Variants in CCDC170 observed in about 807,000 individuals in gnomAD.
CCDC170 encodes coiled-coil domain containing 170, also known as coiled-coil domain-containing protein 170.
In CCDC170, 69 loss-of-function variants were observed where a neutral mutation model predicts 72.6. The ratio of observed to expected loss-of-function variants is 0.95; its 90% CI spans 0.78 to 1.16. The LOEUF (loss-of-function observed/expected upper bound fraction) is 1.16, where lower values mean the gene tolerates loss of function less well. Among genes scored for constraint, CCDC170 ranks in the 50% most tolerant of loss-of-function variants. The pLI, the probability that CCDC170 is intolerant of heterozygous loss-of-function variation, is 0.00. For synonymous variants in CCDC170, 300 were observed against 303.9 expected, an observed-to-expected ratio of 0.99 and a Z score of 0.13; for missense variants, 852 against 832.5, an observed-to-expected ratio of 1.02 and a Z score of -0.29.
At position 151,618,030 on chromosome 6, in the gene CCDC170, G is replaced by A. The variant is rs1235803552; in HGVS notation, c.2031G>A (p.Lys677=). Residue 677 remains lysine, a synonymous_variant, in exon 11 of 11, where the codon AAG becomes AAA. Coordinates refer to ENST00000239374, the MANE Select transcript of CCDC170 (RefSeq NM_025059.4). ...CTCTTCCTGATTATGAAATCATCAA[G>A]TGTCTTGAAAGATTGGTCCATTCAC... ...SLALPDYEII[K]CLERLVHSHQ... 1 of 1,614,024 alleles carries A rather than the reference G, an allele frequency of 6.2e-7. No homozygotes were observed. Among genetic ancestry groups the A allele is most frequent in the African/African-American group, 1.3e-5 (1 of 74,920 alleles).
At chr6:151,563,653 G>A (rs1440521828) in intron 5 of CCDC170, among the ~76,000 whole-genome samples, 1 of 152,144 alleles carries the variant, frequency 6.6e-6, no homozygotes, top group African/African-American at 2.4e-5. Flanking sequence ...TGTGAGGGGA[G>A]TGTGGGCACG....
intron 3 of CCDC170, among the ~76,000 whole-genome samples, chr6:151,543,249 A>T (rs955161611): frequency 3.3e-5 from 5 of 152,274 alleles, no homozygotes; most frequent in East Asian, 1.9e-4. Flanking sequence ...TTCATAATGG[A>T]CCATAAATTT....
chr6:151,512,208 G>A (rs1782161271), intron 1 of CCDC170, among the ~76,000 whole-genome samples: 1 of 142,894 alleles, frequency 7.0e-6, no homozygotes, highest in South Asian at 2.2e-4. Context: ...TGCCCAGGCT[G>A]GAGTGCAGTG....
chr6:151,573,198 A>G lies in CCDC170; in HGVS notation c.799A>G (p.Lys267Glu). 1 of 1,613,732 alleles carries G rather than the reference A, an allele frequency of 6.2e-7. No individual in the cohort carries two copies. Among genetic ancestry groups the G allele is most frequent in the Non-Finnish European group, 8.5e-7 (1 of 1,179,942 alleles). The change falls in exon 6 of 11, where the codon AAA becomes GAA. Residue 267 changes from lysine to glutamate, a missense_variant. Transcript: ENST00000239374. ...GGACCTGCTCAGTGCTGTAGAAGCA[A>G]AAGAAGCTCTTGAAAGGGAAGTTAA... ...NQDLLSAVEAKEALEREVKIF... is the reference protein window; with the variant it reads ...NQDLLSAVEAEEALEREVKIF...
In CCDC170 at chr6:151,504,740, C is replaced by T. The variant is rs577339018; in HGVS notation, c.57+10555C>T. On this transcript the variant is annotated intron_variant, in intron 1 of 10. Transcript: ENST00000239374. ...GGACATGCAAATGATGGTCACTAGA[C>T]GGTTGGAAATGTCAGTCTCTAGTTA... 3.2e-4 allele frequency among the ~76,000 whole-genome samples: 48 copies of T among 151,736 alleles called. No homozygotes were observed. In the South Asian group the frequency reaches 4.6e-3, roughly 14 times the overall value.
intron 6 of CCDC170, among the ~76,000 whole-genome samples, chr6:151,582,935 T>A (rs938062153): frequency 6.6e-6 from 1 of 151,902 alleles, no homozygotes; most frequent in African/African-American, 2.4e-5. Context: ...TAACATGCGA[T>A]TTAGAGAGGA....
At position 151,504,074 on chromosome 6, in the gene CCDC170, G is replaced by C. The variant is rs369065843; in HGVS notation, c.57+9889G>C. 1.4e-3 allele frequency among the ~76,000 whole-genome samples: 209 copies of C among 152,266 alleles called. 7 individuals are homozygous for C. In the South Asian group the frequency reaches 0.042, roughly 30 times the overall value. ...CTTGAATTTGACAGTTGTATGAAGAGGAATGTCCTTGTTCTTAGAAAATAC... is the reference window on the plus strand; with the variant it reads ...CTTGAATTTGACAGTTGTATGAAGACGAATGTCCTTGTTCTTAGAAAATAC... On this transcript the variant is annotated intron_variant, in intron 1 of 10. Coordinates refer to ENST00000239374, the MANE Select transcript of CCDC170 (RefSeq NM_025059.4).
chr6:151,533,275 C>G (rs562705299), intron 1 of CCDC170, among the ~76,000 whole-genome samples: 2 of 151,578 alleles, frequency 1.3e-5, no homozygotes, highest in South Asian at 2.1e-4. Flanking sequence ...AGGATGGTCT[C>G]GATCTCCTGA....
chr6:151,605,572 T>G (rs4324787), intron 9 of CCDC170, among the ~76,000 whole-genome samples: 74,163 of 152,090 alleles, frequency 0.49, 21,066 homozygotes, highest in Non-Finnish European at 0.64. Flanking sequence ...GCAGAAACTG[T>G]CCTCTTACCA....
intron 3 of CCDC170, among the ~76,000 whole-genome samples, chr6:151,542,448 C>G (rs1179907081): frequency 1.3e-5 from 2 of 152,236 alleles, no homozygotes; most frequent in East Asian, 3.9e-4. Flanking sequence ...TCTTGAATCC[C>G]TGGCCTCAAG....
chr6:151,524,771 A>G (rs907327528), intron 1 of CCDC170, among the ~76,000 whole-genome samples: 2 of 152,118 alleles, frequency 1.3e-5, no homozygotes. Flanking sequence ...CAATGTGCCT[A>G]TACACATTGT....
chr6:151,587,765 G>A (rs570565308), intron 7 of CCDC170, among the ~76,000 whole-genome samples: 1 of 152,162 alleles, frequency 6.6e-6, no homozygotes, highest in Non-Finnish European at 1.5e-5. Context: ...GTGCAATAGT[G>A]CAATTAGTGC....
chr6:151,573,204 G>A lies in CCDC170; in HGVS notation c.805G>A (p.Ala269Thr), dbSNP rs1458489105. 8.1e-6 allele frequency: 13 copies of A among 1,613,774 alleles called. No individual in the cohort carries two copies. The highest frequency in any genetic ancestry group is 2.5e-6 in the Non-Finnish European group (3 of 1,179,936). The change falls in exon 6 of 11, where the codon GCT becomes ACT. Residue 269 changes from alanine (A) to threonine (T), a missense_variant. Physicochemically the swap from Ala to Thr is moderately conservative, Grantham distance 58. Transcript: ENST00000239374. Reference sequence around the variant, plus strand: ...GCTCAGTGCTGTAGAAGCAAAAGAAGCTCTTGAAAGGGAAGTTAAGATCTT... The same window carrying A: ...GCTCAGTGCTGTAGAAGCAAAAGAAACTCTTGAAAGGGAAGTTAAGATCTT... The part of the protein sequence containing the change: ...DLLSAVEAKE[A>T]LEREVKIFQE...
rs1460252012 is a variant in CCDC170, at chr6:151,499,735, A to G, written c.57+5550A>G. ...TGACTGGCTTATTTCACTTAGCATAATGTCCTCAACGTTTCTTCATGATGT... is the reference window on the plus strand; with the variant it reads ...TGACTGGCTTATTTCACTTAGCATAGTGTCCTCAACGTTTCTTCATGATGT... On this transcript the variant is annotated intron_variant, in intron 1 of 10. Transcript: ENST00000239374. Among the ~76,000 whole-genome samples the G allele has an allele frequency of 2.6e-5, 4 of 152,246 alleles. 1 individual carries two copies. The highest frequency in any genetic ancestry group is 4.1e-4 in the South Asian group (2 of 4,838).
intron 3 of CCDC170, among the ~76,000 whole-genome samples, chr6:151,542,060 A>G (rs1349298286): frequency 6.6e-6 from 1 of 151,246 alleles, no homozygotes; most frequent in Non-Finnish European, 1.5e-5. Flanking sequence ...TTGTAGTTTT[A>G]GTAGAGACGG....
chr6:151,562,425 T>A (rs1203885240), intron 5 of CCDC170, among the ~76,000 whole-genome samples: 1 of 152,202 alleles, frequency 6.6e-6, no homozygotes, highest in Non-Finnish European at 1.5e-5. Flanking sequence ...GGCTGTGATA[T>A]ATATTATGTG....
chr6:151,557,365 C>G (rs141351123), intron 5 of CCDC170, among the ~76,000 whole-genome samples: 2,788 of 150,734 alleles, frequency 0.018, 98 homozygotes, highest in African/African-American at 0.064. Context: ...GCCGAGATCA[C>G]GCCACTGCAC....
At position 151,585,934 on chromosome 6, in the gene CCDC170, T is replaced by C; in HGVS notation, c.1138T>C (p.Leu380=). Residue 380 remains leucine, a synonymous_variant, in exon 7 of 11, where the codon TTG becomes CTG. Coordinates refer to ENST00000239374, the MANE Select transcript of CCDC170 (RefSeq NM_025059.4). ...CCAAATATCTGAGCTTGTTGAACAGTTGGGAAAGGAGTCTGGGTTTCACCA... is the reference window on the plus strand; with the variant it reads ...CCAAATATCTGAGCTTGTTGAACAGCTGGGAAAGGAGTCTGGGTTTCACCA... The part of the protein sequence containing the change: ...EAQISELVEQ[L]GKESGFHQKA... The C allele has an allele frequency of 6.2e-7, 1 of 1,613,942 alleles. No homozygotes were observed. Among genetic ancestry groups the C allele is most frequent in the East Asian group, 2.2e-5 (1 of 44,864 alleles).
chr6:151,495,871 A>G (rs1781902110), intron 1 of CCDC170, among the ~76,000 whole-genome samples: 1 of 152,164 alleles, frequency 6.6e-6, no homozygotes, highest in African/African-American at 2.4e-5. Context: ...CGAACATACA[A>G]TGATCAAAAT....
Sources: allele counts gnomAD v4.1 joint callset (sites outside exome capture counted in the v4.1 genomes callset), GRCh38; gene constraint gnomAD v4.1.1; transcripts MANE v1.5; gene names NCBI Gene and HGNC (gene_info 2026-07-23, HGNC 2026-07-21).